Variants in DGKI observed in about 807,000 individuals in gnomAD.
DGKI encodes DAG kinase iota.
Under a neutral mutation model 147.5 loss-of-function variants are expected in DGKI, and 55 were observed. The ratio of observed to expected loss-of-function variants is 0.37; its 90% CI spans 0.30 to 0.47. The LOEUF is 0.47. Ranked by LOEUF, DGKI falls within the 20% of genes least tolerant of loss-of-function variation. The pLI is 1.00. For missense variants in DGKI, 1,007 were observed against 1,323.8 expected (o/e 0.76, Z 3.71); for synonymous variants, 469 against 477.1 (o/e 0.98, Z 0.22).
chr7:137,419,059 C>A (rs1192497917), intron 28 of DGKI, among the ~76,000 whole-genome samples: 3 of 152,180 alleles, frequency 2.0e-5, no homozygotes, highest in Non-Finnish European at 4.4e-5. Flanking sequence ...AGCTGAGAGA[C>A]AAAGGACTCT....
chr7:137,533,577 A>G (rs1254675349), intron 20 of DGKI, among the ~76,000 whole-genome samples: 1 of 152,128 alleles, frequency 6.6e-6, no homozygotes, highest in African/African-American at 2.4e-5. Flanking sequence ...TCAAGAAAAC[A>G]TACTTGTTTT....
At chr7:137,478,878 G>T (rs574282797) in intron 23 of DGKI, among the ~76,000 whole-genome samples, 1 of 152,268 alleles carries the variant, frequency 6.6e-6, no homozygotes, top group Non-Finnish European at 1.5e-5. Context: ...TTAAATAAAT[G>T]TACAGTGACC....
chr7:137,438,186 A>G (rs1443775300), intron 28 of DGKI, among the ~76,000 whole-genome samples: 3 of 152,160 alleles, frequency 2.0e-5, no homozygotes, highest in Non-Finnish European at 4.4e-5. Context: ...GAAACAAAAT[A>G]ATTTTTACAT....
In DGKI at chr7:137,389,179, A is replaced by G. The variant is rs1811271040; in HGVS notation, c.*2041T>C. 6.6e-6 allele frequency: 1 copy of G among 152,142 alleles called. No individual in the cohort carries two copies. The highest frequency in any genetic ancestry group is 2.4e-5 in the African/African-American group (1 of 41,444). The allele number at this position is 152,142 out of a possible 1,614,324, so 9.4% of individuals were successfully genotyped here. On this transcript the variant is annotated 3_prime_UTR_variant, in exon 33 of 33. Coordinates refer to ENST00000614521, the MANE Select transcript of DGKI (RefSeq NM_001321708.2). ...ACTAAAAATCCCCCAGCAAAAGCCC[A>G]GTGATTAAATTCTCCTGGAGCATAT...
chr7:137,435,697 A>G (rs554630555), intron 28 of DGKI, among the ~76,000 whole-genome samples: 1 of 152,328 alleles, frequency 6.6e-6, no homozygotes, highest in Admixed American at 6.5e-5. Flanking sequence ...GTCATTGCAA[A>G]GTGATGTACT....
intron 1 of DGKI, among the ~76,000 whole-genome samples, chr7:137,694,506 G>T (rs1303576295): frequency 6.6e-6 from 1 of 152,082 alleles, no homozygotes; most frequent in Non-Finnish European, 1.5e-5. Context: ...GATGCTGCAC[G>T]TGAGAACAGA....
chr7:137,697,936 A>G (rs533193005), intron 1 of DGKI, among the ~76,000 whole-genome samples: 1 of 151,772 alleles, frequency 6.6e-6, no homozygotes, highest in Non-Finnish European at 1.5e-5. Context: ...CTATATGTAT[A>G]TATAGCTATC....
intron 1 of DGKI, among the ~76,000 whole-genome samples, chr7:137,730,884 T>C (rs1794860039): frequency 6.6e-6 from 1 of 152,100 alleles, no homozygotes; most frequent in African/African-American, 2.4e-5. Context: ...ATAATAATTT[T>C]ACCTATCTCA....
chr7:137,793,311 T>C (rs1197982242), intron 1 of DGKI, among the ~76,000 whole-genome samples: 1 of 151,908 alleles, frequency 6.6e-6, no homozygotes, highest in African/African-American at 2.4e-5. Context: ...TTTTTTGTTT[T>C]TTTTTTTGAG....
At chr7:137,397,936 T>C (rs1206809293) in intron 30 of DGKI, among the ~76,000 whole-genome samples, 3 of 152,136 alleles carry the variant, frequency 2.0e-5, no homozygotes, top group Non-Finnish European at 4.4e-5. Context: ...GATGCATCCT[T>C]AGGAATGGAA....
In DGKI at chr7:137,482,157, G is replaced by A. The variant is rs563659357; in HGVS notation, c.2373+3217C>T. 3.6e-4 allele frequency among the ~76,000 whole-genome samples: 55 copies of A among 151,886 alleles called. 1 individual carries two copies. Among genetic ancestry groups the A allele is most frequent in the African/African-American group, 1.3e-3 (53 of 41,452 alleles). Reference sequence around the variant, plus strand: ...ATGTGTTTTATAATACACACACCTAGAAAAAAATACGGAAATCAATCCATA... The same window carrying A: ...ATGTGTTTTATAATACACACACCTAAAAAAAAATACGGAAATCAATCCATA... On this transcript the variant is annotated intron_variant, in intron 23 of 32. Transcript: ENST00000614521.
rs184632364 is a variant in DGKI, at chr7:137,465,910, C to T, written c.2610G>A (p.Ser870=). ...GMPDLVVEQA[S]GISDWWNPAL... is the part of the protein sequence containing the mutation. ...CAGGCCAGGAGAAGCACACTCACCC[C>T]GAGGCTTGTTCCACCACCAGGTCAG... Residue 870 remains serine, a splice_region_variant and synonymous_variant, in exon 26 of 33, where the codon TCG becomes TCA. Transcript: ENST00000614521. The T allele has an allele frequency of 1.1e-4, 175 of 1,613,720 alleles. No individual in the cohort carries two copies. Among genetic ancestry groups the T allele is most frequent in the South Asian group, 6.2e-4 (56 of 91,030 alleles).
At chr7:137,741,654 G>A (rs1033606683) in intron 1 of DGKI, among the ~76,000 whole-genome samples, 1 of 152,278 alleles carries the variant, frequency 6.6e-6, no homozygotes, top group African/African-American at 2.4e-5. Flanking sequence ...AAACCAGCTC[G>A]CCAAACATGA....
intron 1 of DGKI, among the ~76,000 whole-genome samples, chr7:137,820,932 G>C (rs937178929): frequency 2.6e-5 from 4 of 152,100 alleles, no homozygotes; most frequent in Admixed American, 2.0e-4. Context: ...GAAAATGTCA[G>C]AGCAACCCTC....
intron 6 of DGKI, among the ~76,000 whole-genome samples, chr7:137,635,126 C>T (rs759835953): frequency 6.6e-6 from 1 of 152,110 alleles, no homozygotes; most frequent in Non-Finnish European, 1.5e-5. Flanking sequence ...TTAGACACAA[C>T]GCAGGTACCA....
chr7:137,387,468 A>G lies in DGKI; in HGVS notation c.*3752T>C, dbSNP rs1407477786. The G allele has an allele frequency of 6.6e-6, 1 of 152,194 alleles. No individual in the cohort carries two copies. Among genetic ancestry groups the G allele is most frequent in the African/African-American group, 2.4e-5 (1 of 41,456 alleles). The allele number at this position is 152,194 out of a possible 1,614,324, so 9.4% of individuals were successfully genotyped here. ...GTTCACTAGACATATACAAATGATC[A>G]GCATGCTTTTAAAATGTTTGCTCTT... On this transcript the variant is annotated 3_prime_UTR_variant, in exon 33 of 33. Coordinates refer to ENST00000614521, the MANE Select transcript of DGKI (RefSeq NM_001321708.2).
chr7:137,829,127 C>T (rs1034368356), intron 1 of DGKI, among the ~76,000 whole-genome samples: 1 of 152,234 alleles, frequency 6.6e-6, no homozygotes, highest in African/African-American at 2.4e-5. Flanking sequence ...AGAACACATT[C>T]TCTTACATCT....
At chr7:137,754,287 A>G (rs1795613304) in intron 1 of DGKI, among the ~76,000 whole-genome samples, 1 of 152,154 alleles carries the variant, frequency 6.6e-6, no homozygotes, top group South Asian at 2.1e-4. Flanking sequence ...CCCTGTCCCC[A>G]GGAGGTCCTT....
intron 1 of DGKI, among the ~76,000 whole-genome samples, chr7:137,804,762 T>A (rs1455014557): frequency 6.6e-6 from 1 of 152,206 alleles, no homozygotes; most frequent in Non-Finnish European, 1.5e-5. Context: ...TTTGCCTGTC[T>A]ACAAAAAGAA....
Sources: allele counts gnomAD v4.1 joint callset (sites outside exome capture counted in the v4.1 genomes callset), GRCh38; gene constraint gnomAD v4.1.1; transcripts MANE v1.5; gene names NCBI Gene and HGNC (gene_info 2026-07-23, HGNC 2026-07-21).